NOP53: variants seen among roughly 807,000 people sequenced by gnomAD.
NOP53 encodes ribosome biogenesis protein NOP53.
A neutral mutation model predicts 61.0 loss-of-function variants in NOP53; 40 were observed. The ratio of observed to expected loss-of-function variants is 0.66; its 90% confidence interval spans 0.51 to 0.85. NOP53 has a LOEUF of 0.85. Ranked by LOEUF, NOP53 falls within the 40% of genes least tolerant of loss-of-function variation. The pLI, the probability that NOP53 is intolerant of heterozygous loss-of-function variation, is 0.00. For synonymous variants in NOP53, 308 were observed against 289.5 expected (o/e 1.06, Z -0.65); for missense variants, 689 against 652.9 (o/e 1.06, Z -0.60).
intron 4 of NOP53, 81 bp from the exon 5 acceptor site, chr19:47,751,435 TGAAA>T: frequency 1.9e-6 from 2 of 1,062,204 alleles, no homozygotes; most frequent in Non-Finnish European, 1.5e-6. Flanking sequence ...GTCACCTTTT[TGAAA>T]TGTGGAGGGA....
In NOP53 at chr19:47,745,666, G is replaced by A. The variant is rs1231103939; in HGVS notation, c.107G>A (p.Arg36Gln). Residue 36 changes from arginine to glutamine, a missense_variant, in exon 1 of 13, where the codon CGG becomes CAG. By Grantham distance (43) the Arg-to-Gln change is conservative. Coordinates refer to ENST00000246802, the MANE Select transcript of NOP53 (RefSeq NM_015710.5). ...RPTSVDPALR[R>Q]RRRGPRNKKR... ...ACTTCGGTGGACCCAGCGCTGAGGCGGCGGCGGCGAGGCCCAAGAAATAAG... is the reference window on the plus strand; with the variant it reads ...ACTTCGGTGGACCCAGCGCTGAGGCAGCGGCGGCGAGGCCCAAGAAATAAG... 1.9e-6 allele frequency: 3 copies of A among 1,613,476 alleles called. No individual in the cohort carries two copies. The highest frequency in any genetic ancestry group is 2.5e-6 in the Non-Finnish European group (3 of 1,179,806).
At chr19:47,753,143 G>GGACA (rs1967145396) in intron 6 of NOP53, 1 of 153,034 alleles carries the variant, frequency 6.5e-6, no homozygotes, top group Non-Finnish European at 1.5e-5. Context: ...TGGACAAAGG[G>GGACA]GACAAAAACC....
chr19:47,751,498 G>A (rs762612269), intron 4 of NOP53, 22 bp from the exon 5 acceptor site: 6 of 1,604,106 alleles, frequency 3.7e-6, no homozygotes. Context: ...TGTCCCAGCA[G>A]CTCCCCTCGC....
In NOP53 at chr19:47,750,939, A is replaced by G. The variant is rs1031122041; in HGVS notation, c.430A>G (p.Lys144Glu). The G allele has an allele frequency of 3.1e-6, 5 of 1,597,316 alleles. No individual in the cohort carries two copies. The African/African-American group carries it at 6.7e-5, about 21-fold the overall frequency. ...VLAHQVPNAK[K>E]LRRKEQLWEK... ...CGCCCACCAGGTCCCCAACGCCAAG[A>G]AGCTCAGGCGGAAGGAGCAGCTATG... Residue 144 changes from lysine to glutamate, a missense_variant, in exon 4 of 13, where the codon AAG becomes GAG. Coordinates refer to ENST00000246802, the MANE Select transcript of NOP53 (RefSeq NM_015710.5).
chr19:47,746,451 C>T lies in NOP53; in HGVS notation c.225-516C>T, dbSNP rs558176651. The T allele has an allele frequency of 4.1e-4, 62 of 152,948 alleles. No homozygotes were observed. In the South Asian group the frequency reaches 0.01, roughly 25 times the overall value. The allele number at this position is 152,948 out of a possible 1,614,324, so 9.5% of individuals were successfully genotyped here. On this transcript the variant is annotated intron_variant, in intron 1 of 12. Coordinates refer to ENST00000246802, the MANE Select transcript of NOP53 (RefSeq NM_015710.5). ...CGATCTCGGCTCACTGCAACCTCTG[C>T]CTCCTGGGTTCAAGTGATTCTCCTG...
Position 47,750,231 on chromosome 19 carries a change from C to T in NOP53, c.343C>T (p.Pro115Ser). Residue 115 changes from proline (P) to serine (S), a missense_variant, in exon 3 of 13, where the codon CCC (proline) becomes TCC (serine). Pro to Ser is a moderately conservative substitution (Grantham distance 74). Coordinates refer to ENST00000246802, the MANE Select transcript of NOP53 (RefSeq NM_015710.5). ...VQKKSLLLKK[P>S]LRVDLILENT... ...GAAGAAGTCACTGCTTCTCAAGAAA[C>T]CCCTTCGGGTTGACCTCATCCTCGA... is the stretch of plus-strand genomic sequence containing the variant. 7 of 1,613,262 alleles carry T rather than the reference C, an allele frequency of 4.3e-6. No homozygotes were observed. The highest frequency in any genetic ancestry group is 5.9e-6 in the Non-Finnish European group (7 of 1,179,240).
At chr19:47,755,881 C>T (rs545751455) in intron 10 of NOP53, 59 bp downstream of exon 10, 7 of 1,437,832 alleles carry the variant, frequency 4.9e-6, no homozygotes, top group Middle Eastern at 3.6e-4. Flanking sequence ...TCCTTGCTCC[C>T]CGTGCCCCCC....
Position 47,751,126 on chromosome 19 carries a change from A to C in NOP53, c.598+19A>C, listed in dbSNP as rs756112480. The stretch of plus-strand genomic sequence containing the variant: ...TCAGACAGTGAGTGATCCTGCTGTC[A>C]CCTATGAATGGGGACAGGACGGCCA... On this transcript the variant is annotated intron_variant, in intron 4 of 12. Transcript: ENST00000246802. The C allele has an allele frequency of 6.3e-7, 1 of 1,581,908 alleles. No homozygotes were observed. Among genetic ancestry groups the C allele is most frequent in the Non-Finnish European group, 8.6e-7 (1 of 1,159,234 alleles).
At position 47,756,678 on chromosome 19, in the gene NOP53, C is replaced by A; in HGVS notation, c.1374-10C>A. On this transcript the variant is annotated splice_polypyrimidine_tract_variant and intron_variant, in intron 11 of 12. Coordinates refer to ENST00000246802, the MANE Select transcript of NOP53 (RefSeq NM_015710.5). ...CCCGGGCACTGATTGCTCCATTGTC[C>A]CTGCTCCAGGTTCAAACGCAAGTAC... 1 of 1,613,940 alleles carries A rather than the reference C, an allele frequency of 6.2e-7. No homozygotes were observed. Among genetic ancestry groups the A allele is most frequent in the East Asian group, 2.2e-5 (1 of 44,886 alleles).
chr19:47,750,304 C>G lies in NOP53; in HGVS notation c.398+18C>G. Reference sequence around the variant, plus strand: ...CCCAAAGAGTGAGTGTCCCAGCATCCCTGGGCCCTTCTTTCCCACCAGACT... The same window carrying G: ...CCCAAAGAGTGAGTGTCCCAGCATCGCTGGGCCCTTCTTTCCCACCAGACT... On this transcript the variant is annotated intron_variant, in intron 3 of 12. Transcript: ENST00000246802. The G allele has an allele frequency of 2.1e-6, 3 of 1,436,992 alleles. No homozygotes were observed. Among genetic ancestry groups the G allele is most frequent in the East Asian group, 2.3e-5 (1 of 44,034 alleles). 89.0% of individuals were successfully genotyped at this position (1,436,992 alleles called of 1,614,324 possible).
chr19:47,754,768 G>C lies in NOP53; in HGVS notation c.930G>C (p.Glu310Asp). 6.5e-7 allele frequency: 1 copy of C among 1,526,728 alleles called. No individual in the cohort carries two copies. The allele number at this position is 1,526,728 out of a possible 1,614,324, so 94.6% of individuals were successfully genotyped here. A position where few individuals can be genotyped will look rare whatever the true frequency, so the allele number is the denominator to read the frequency against. The change falls in exon 8 of 13, where the codon GAG becomes GAC. Residue 310 changes from glutamate (E) to aspartate (D), a missense_variant. Physicochemically the swap from Glu to Asp is conservative, Grantham distance 45. Coordinates refer to ENST00000246802, the MANE Select transcript of NOP53 (RefSeq NM_015710.5). The surrounding 1 kb of genome is among the most constrained non-coding windows in gnomAD (Gnocchi z 4.2). ...TGGAGGAGTCGGATGGTGAGGGGGA[G>C]CCAGGCCAGGGCGAGGGGCCGGAGG... ...GLLEESDGEG[E>D]PGQGEGPEAG...
At position 47,745,582 on chromosome 19, in the gene NOP53, T is replaced by C; in HGVS notation, c.23T>C (p.Val8Ala). The C allele has an allele frequency of 1.9e-6, 3 of 1,613,774 alleles. No homozygotes were observed. The highest frequency in any genetic ancestry group is 1.7e-6 in the Non-Finnish European group (2 of 1,179,942). Residue 8 changes from valine (V) to alanine (A), a missense_variant, in exon 1 of 13, where the codon GTT (valine) becomes GCT (alanine). Transcript: ENST00000246802. MAAGGSGVGGKRSSKSDA... is the reference protein window; with the variant it reads MAAGGSGAGGKRSSKSDA... ...AAGATGGCGGCAGGAGGCAGTGGCG[T>C]TGGTGGGAAGCGCAGCTCGAAAAGC...
At chr19:47,746,095 AAT>A (rs1329030514) in intron 1 of NOP53, 4 of 413,538 alleles carry the variant, frequency 9.7e-6, no homozygotes, top group Admixed American at 4.2e-5. Flanking sequence ...CTGTTTTCTA[AAT>A]ATGTGTGTGT....
intron 10 of NOP53, 74 bp from the exon 11 acceptor site, chr19:47,756,454 C>A: frequency 7.9e-7 from 1 of 1,259,638 alleles, no homozygotes. Context: ...TGAGCCCTGC[C>A]AGGACCCCGA....
chr19:47,752,619 C>G lies in NOP53; in HGVS notation c.765+12C>G. The G allele has an allele frequency of 6.6e-7, 1 of 1,508,146 alleles. No homozygotes were observed. The highest frequency in any genetic ancestry group is 9.2e-7 in the Non-Finnish European group (1 of 1,083,558). 93.4% of individuals were successfully genotyped at this position (1,508,146 alleles called of 1,614,324 possible). On this transcript the variant is annotated intron_variant, in intron 6 of 12. Coordinates refer to ENST00000246802, the MANE Select transcript of NOP53 (RefSeq NM_015710.5). ...TTGAAGACCACCAGGTACACTGCCC[C>G]GTCCAGGCCTCCCTCCTCAGTGGGC... is the stretch of plus-strand genomic sequence containing the variant.
rs536507041 is a variant in NOP53, at chr19:47,754,865, C to T, written c.1027C>T (p.Arg343Trp). The T allele has an allele frequency of 2.5e-5, 38 of 1,525,950 alleles. No homozygotes were observed. Among genetic ancestry groups the T allele is most frequent in the South Asian group, 7.4e-5 (6 of 80,764 alleles). 94.5% of individuals were successfully genotyped at this position (1,525,950 alleles called of 1,614,324 possible). Residue 343 changes from arginine (R) to tryptophan (W), a missense_variant, in exon 8 of 13, where the codon CGG becomes TGG. Physicochemically the swap from Arg to Trp is moderately radical, Grantham distance 101. Transcript: ENST00000246802. The surrounding 1 kb of genome is among the most constrained non-coding windows in gnomAD (Gnocchi z 4.2). Reference protein sequence around the residue: ...TTEKKTEQQRRREKAVHRLRV... With the variant: ...TTEKKTEQQRWREKAVHRLRV... ...AGAGAAGAAGACGGAGCAGCAGCGGCGGCGGGAGAAGGCTGTGCACAGGCT... is the reference window on the plus strand; with the variant it reads ...AGAGAAGAAGACGGAGCAGCAGCGGTGGCGGGAGAAGGCTGTGCACAGGCT...
At position 47,755,302 on chromosome 19, in the gene NOP53, T is replaced by G. The variant is rs565869598; in HGVS notation, c.1054-46T>G. The G allele has an allele frequency of 2.8e-5, 37 of 1,307,696 alleles. No homozygotes were observed. The African/African-American group carries it at 5.3e-4, about 19-fold the overall frequency. The allele number at this position is 1,307,696 out of a possible 1,614,324, so 81.0% of individuals were successfully genotyped here. On this transcript the variant is annotated intron_variant, in intron 8 of 12. Coordinates refer to ENST00000246802, the MANE Select transcript of NOP53 (RefSeq NM_015710.5). ...CCTGTGTAGAGAGAAGGTCTCCCTGTGTGGGCAGCACCGGCCTGAGCCCTG... is the reference window on the plus strand; with the variant it reads ...CCTGTGTAGAGAGAAGGTCTCCCTGGGTGGGCAGCACCGGCCTGAGCCCTG...
Position 47,754,612 on chromosome 19 carries a change from C to G in NOP53, c.851C>G (p.Thr284Arg), listed in dbSNP as rs200463741. The change falls in exon 7 of 13, where the codon ACG becomes AGG. Residue 284 changes from threonine (T) to arginine (R), a missense_variant. Physicochemically the swap from Thr to Arg is moderately conservative, Grantham distance 71. Transcript: ENST00000246802. This position sits in a 1 kb window ranked among gnomAD's most constrained non-coding sequence, Gnocchi z 4.2. ...KLERQLALPA[T>R]EQAATQESTF... ...GAGCGGCAGCTGGCCCTGCCCGCCA[C>G]GGAGCAGGCCGCCACCCAGGTGAGC... 4 of 1,549,180 alleles carry G rather than the reference C, an allele frequency of 2.6e-6. No homozygotes were observed. The highest frequency in any genetic ancestry group is 3.5e-6 in the Non-Finnish European group (4 of 1,147,394).
chr19:47,756,822 T>A, intron 12 of NOP53, 78 bp downstream of exon 12: 1 of 1,534,262 alleles, frequency 6.5e-7, no homozygotes, highest in Non-Finnish European at 9.0e-7. Flanking sequence ...CAGGGCCCCT[T>A]CCAGAGTGTG....
Sources: gnomAD v4.1 joint callset for allele counts on GRCh38, gnomAD v4.1.1 for gene constraint, Gnocchi (gnomAD v3.1) non-coding constraint, MANE v1.5 for transcripts, NCBI Gene and HGNC (gene_info 2026-07-23, HGNC 2026-07-21) for gene names.